ENTREP1: variants seen among roughly 807,000 people sequenced by gnomAD.
The protein encoded by ENTREP1 is Friedreich ataxia region gene X123.
chr9:69,389,291 G>A, the ENTREP1 span, among the ~76,000 whole-genome samples: 1 of 152,078 alleles, frequency 6.6e-6, no homozygotes, highest in South Asian at 2.1e-4. Flanking sequence ...AACTGAAGTG[G>A]GCTAATTTCT....
At chr9:69,368,917 G>A in the ENTREP1 span, among the ~76,000 whole-genome samples, 3 of 152,012 alleles carry the variant, frequency 2.0e-5, no homozygotes, top group Non-Finnish European at 4.4e-5. Flanking sequence ...CACATGCCAT[G>A]ATGGTTTGCT....
the ENTREP1 span, among the ~76,000 whole-genome samples, chr9:69,331,031 A>G: frequency 1.1e-5 from 1 of 89,124 alleles, no homozygotes; most frequent in Non-Finnish European, 2.4e-5. Flanking sequence ...TCAGTTGCCC[A>G]CTTTCTCAAT....
At chr9:69,345,439 CTT>C in the ENTREP1 span, among the ~76,000 whole-genome samples, 1 of 152,126 alleles carries the variant, frequency 6.6e-6, no homozygotes, top group Non-Finnish European at 1.5e-5. Flanking sequence ...GACTGTTTCT[CTT>C]TTATTTCATA....
the ENTREP1 span, among the ~76,000 whole-genome samples, chr9:69,331,704 T>C: frequency 1.3e-5 from 2 of 152,208 alleles, no homozygotes; most frequent in Non-Finnish European, 2.9e-5. Flanking sequence ...ATAGTCATCT[T>C]TGAGCAATGT....
At chr9:69,374,275 G>A in the ENTREP1 span, among the ~76,000 whole-genome samples, 2 of 152,028 alleles carry the variant, frequency 1.3e-5, no homozygotes, top group Non-Finnish European at 2.9e-5. Context: ...TTGATGGACA[G>A]TTAGGTTGTT....
At chr9:69,392,358 C>T in the ENTREP1 span, 1 of 156,432 alleles carries the variant, frequency 6.4e-6, no homozygotes, top group African/African-American at 2.4e-5. Context: ...TAATGCCAGA[C>T]ATTTAAGGAG....
the ENTREP1 span, among the ~76,000 whole-genome samples, chr9:69,376,191 T>C: frequency 6.6e-6 from 1 of 152,346 alleles, no homozygotes; most frequent in African/African-American, 2.4e-5. Context: ...TATGTATACC[T>C]ACACACACAT....
chr9:69,339,745 C>T, the ENTREP1 span, among the ~76,000 whole-genome samples: 3 of 152,152 alleles, frequency 2.0e-5, no homozygotes, highest in Non-Finnish European at 4.4e-5. Context: ...CTCAGGGGCA[C>T]CTTCTGACTT....
the ENTREP1 span, among the ~76,000 whole-genome samples, chr9:69,361,542 G>T: frequency 6.6e-6 from 1 of 152,020 alleles, no homozygotes; most frequent in Non-Finnish European, 1.5e-5. Context: ...TCTGTTATTG[G>T]CATTTTGGTT....
the ENTREP1 span, chr9:69,375,868 C>A: frequency 6.2e-7 from 1 of 1,612,254 alleles, no homozygotes. Context: ...ACTTAAGGTA[C>A]CTCAAACAGA....
At chr9:69,345,661 G>A in the ENTREP1 span, among the ~76,000 whole-genome samples, 7 of 152,270 alleles carry the variant, frequency 4.6e-5, no homozygotes, top group East Asian at 3.9e-4. Context: ...GGAATGCAGC[G>A]GCACAATCTT....
At chr9:69,377,179 G>A in the ENTREP1 span, among the ~76,000 whole-genome samples, 1 of 152,208 alleles carries the variant, frequency 6.6e-6, no homozygotes, top group Non-Finnish European at 1.5e-5. Flanking sequence ...TATTGCATGA[G>A]GGTCATAATA....
chr9:69,350,299 T>G, the ENTREP1 span, among the ~76,000 whole-genome samples: 1 of 150,848 alleles, frequency 6.6e-6, no homozygotes, highest in African/African-American at 2.4e-5. Flanking sequence ...CATGTGGATA[T>G]ACAGTTGCCC....
the ENTREP1 span, among the ~76,000 whole-genome samples, chr9:69,372,810 C>T: frequency 1.8e-4 from 28 of 151,782 alleles, no homozygotes; most frequent in African/African-American, 6.8e-4. Context: ...ACACGGGTTC[C>T]AATTTCTGCA....
chr9:69,332,029 T>C, the ENTREP1 span, among the ~76,000 whole-genome samples: 1 of 152,210 alleles, frequency 6.6e-6, no homozygotes, highest in South Asian at 2.1e-4. Context: ...GAATTCTGCC[T>C]CCCTTTCAGA....
chr9:69,364,060 C>G, the ENTREP1 span, among the ~76,000 whole-genome samples: 3 of 152,186 alleles, frequency 2.0e-5, no homozygotes, highest in African/African-American at 7.2e-5. Flanking sequence ...GAATGAAATT[C>G]TGGTACCAAA....
the ENTREP1 span, among the ~76,000 whole-genome samples, chr9:69,390,973 G>C: frequency 6.7e-6 from 1 of 148,230 alleles, no homozygotes; most frequent in Non-Finnish European, 1.5e-5. Flanking sequence ...TTGTAGAGAT[G>C]GAGTCTCACT....
At chr9:69,342,305 T>C in the ENTREP1 span, among the ~76,000 whole-genome samples, 2 of 152,166 alleles carry the variant, frequency 1.3e-5, no homozygotes, top group African/African-American at 4.8e-5. Flanking sequence ...TCACAATGAG[T>C]TGAATGATTG....
chr9:69,325,552 C>T, the ENTREP1 span: 2 of 1,189,174 alleles, frequency 1.7e-6, no homozygotes, highest in East Asian at 3.5e-5. Flanking sequence ...CAGTCGCCGC[C>T]GCTGCCGCCG....
Sources: gnomAD v4.1 joint callset for allele counts (sites outside exome capture counted in the v4.1 genomes callset) on GRCh38, gnomAD v4.1.1 for gene constraint, MANE v1.5 for transcripts, NCBI Gene and HGNC (gene_info 2026-07-23, HGNC 2026-07-21) for gene names.